Variants in LITAF observed in about 807,000 individuals in gnomAD.
The protein encoded by LITAF is lipopolysaccharide-induced tumor necrosis factor-alpha factor.
LITAF carries 9 observed loss-of-function variants against 14.5 expected under a neutral mutation model. The observed-to-expected ratio is 0.62, with a 90% CI of 0.37 to 1.08. The LOEUF is 1.08. Among genes scored for constraint, LITAF ranks in the 50% least tolerant of loss-of-function variants. LITAF has a pLI of 0.01. For missense variants in LITAF, 206 were observed against 213.4 expected, an observed-to-expected ratio of 0.97 and a Z score of 0.22; for synonymous variants, 98 against 88.2, an observed-to-expected ratio of 1.11 and a Z score of -0.62.
intron 3 of LITAF, among the ~76,000 whole-genome samples, chr16:11,620,098 G>A (rs1231681465): frequency 1.3e-5 from 2 of 150,852 alleles, no homozygotes; most frequent in East Asian, 3.9e-4. Context: ...AACCTGGGAG[G>A]CAGAGGCTGC....
chr16:11,600,813 G>A (rs1011492283), upstream of LITAF, among the ~76,000 whole-genome samples: 11 of 152,006 alleles, frequency 7.2e-5, no homozygotes, highest in South Asian at 2.1e-4. This position sits in a 1 kb window ranked among gnomAD's most constrained non-coding sequence, Gnocchi z 4.1. Flanking sequence ...GCTGAAAGCC[G>A]TTTTCATTAC....
chr16:11,563,644 T>A (rs1427232195), intron 1 of LITAF, among the ~76,000 whole-genome samples: 1 of 152,080 alleles, frequency 6.6e-6, no homozygotes, highest in Non-Finnish European at 1.5e-5. Flanking sequence ...ACTCATTCTG[T>A]CACTGGGCAC....
chr16:11,627,988 A>G, intron 3 of LITAF, among the ~76,000 whole-genome samples: 1 of 137,730 alleles, frequency 7.3e-6, no homozygotes, highest in African/African-American at 2.6e-5. Context: ...CTCCAGCCTG[A>G]GCGACAGAGT....
At chr16:11,579,489 TAAAATAAAATAAAATAAAATA>T in intron 1 of LITAF, among the ~76,000 whole-genome samples, 1 of 69,334 alleles carries the variant, frequency 1.4e-5, no homozygotes, top group East Asian at 3.1e-4. Context: ...TAAAATAAAA[TAAAATAAAATAAAATAAAATA>T]AAATAAAATA....
At chr16:11,604,644 TAAA>T (rs67633068) in intron 3 of LITAF, among the ~76,000 whole-genome samples, 8,380 of 128,538 alleles carry the variant, frequency 0.065, 651 homozygotes, top group African/African-American at 0.19. Flanking sequence ...CTGTCTCTCT[TAAA>T]AAAAAAAAAA....
At position 11,586,563 on chromosome 16, in the gene LITAF, G is replaced by A. The variant is rs1415806345; in HGVS notation, c.-6+323C>T. On this transcript the variant is annotated intron_variant, in intron 1 of 3. Transcript: ENST00000622633. This position sits in a 1 kb window ranked among gnomAD's most constrained non-coding sequence, Gnocchi z 6.5. ...AGGGGCCGTCCTCTCCGGGGAGGGGGACGCGGCGGGCCGCGAAGGGCGCTC... is the reference window on the plus strand; with the variant it reads ...AGGGGCCGTCCTCTCCGGGGAGGGGAACGCGGCGGGCCGCGAAGGGCGCTC... Among the ~76,000 whole-genome samples the A allele has an allele frequency of 1.3e-5, 2 of 152,186 alleles. No homozygotes were observed. Among genetic ancestry groups the A allele is most frequent in the African/African-American group, 4.8e-5 (2 of 41,564 alleles).
intron 3 of LITAF, among the ~76,000 whole-genome samples, chr16:11,628,660 G>C (rs1009418365): frequency 4.0e-5 from 6 of 150,824 alleles, no homozygotes; most frequent in Non-Finnish European, 8.9e-5. Flanking sequence ...GTGCCACCAC[G>C]GCTGGCTAAT....
chr16:11,582,947 C>T (rs1405779565), intron 1 of LITAF, among the ~76,000 whole-genome samples: 1 of 152,118 alleles, frequency 6.6e-6, no homozygotes, highest in Non-Finnish European at 1.5e-5. Context: ...TTTTTGTTGT[C>T]ATGGAATTTA....
intron 3 of LITAF, among the ~76,000 whole-genome samples, chr16:11,613,387 T>A (rs1225796599): frequency 1.3e-5 from 2 of 152,206 alleles, no homozygotes; most frequent in Non-Finnish European, 2.9e-5. Flanking sequence ...GAATAAGCAA[T>A]GCAGCCAGCT....
upstream of LITAF, among the ~76,000 whole-genome samples, chr16:11,588,486 CAAAG>C (rs1459766535): frequency 1.1e-5 from 1 of 89,996 alleles, no homozygotes; most frequent in Non-Finnish European, 2.3e-5. Context: ...AAGCAAGCAA[CAAAG>C]AAAGAAAGAG....
intron 1 of LITAF, among the ~76,000 whole-genome samples, chr16:11,583,067 G>A (rs1368260608): frequency 3.3e-5 from 5 of 152,218 alleles, no homozygotes; most frequent in Non-Finnish European, 7.3e-5. Context: ...AGCTCTTTGG[G>A]AAAGGAAGCG....
At chr16:11,595,463 C>T (rs1280966792) in intron 1 of LITAF, among the ~76,000 whole-genome samples, 1 of 152,190 alleles carries the variant, frequency 6.6e-6, no homozygotes, top group Non-Finnish European at 1.5e-5. Context: ...GACACGGTGG[C>T]TCAAGCCTGT....
At chr16:11,627,738 G>A (rs2065092647) in intron 3 of LITAF, among the ~76,000 whole-genome samples, 1 of 152,200 alleles carries the variant, frequency 6.6e-6, no homozygotes, top group Admixed American at 6.5e-5. Flanking sequence ...CAGCTACTCT[G>A]GAGGCTGACG....
intron 2 of LITAF, chr16:11,556,284 T>A (rs2064266363): frequency 3.6e-6 from 2 of 561,506 alleles, no homozygotes; most frequent in Admixed American, 6.4e-5. Flanking sequence ...GATTCGTATA[T>A]GATGACCATG....
intron 1 of LITAF, among the ~76,000 whole-genome samples, chr16:11,568,086 G>A (rs1205145162): frequency 1.3e-5 from 2 of 151,900 alleles, no homozygotes; most frequent in South Asian, 2.1e-4. Flanking sequence ...CCAGGAGTTC[G>A]AGACCAGCCT....
chr16:11,638,112 ATCTATATAGATAGATAGAT>A (rs1372986243), upstream of LITAF, among the ~76,000 whole-genome samples: 1 of 140,798 alleles, frequency 7.1e-6, no homozygotes, highest in Non-Finnish European at 1.5e-5. Context: ...ATATATATCT[ATCTATATAGATAGATAGAT>A]AGATAGATAG....
chr16:11,570,678 A>G (rs1285061234), intron 1 of LITAF, among the ~76,000 whole-genome samples: 1 of 152,150 alleles, frequency 6.6e-6, no homozygotes, highest in African/African-American at 2.4e-5. Context: ...TGTAATCACA[A>G]AGGTCCTTAT....
At chr16:11,621,210 A>G (rs139847937) in intron 3 of LITAF, among the ~76,000 whole-genome samples, 1 of 152,282 alleles carries the variant, frequency 6.6e-6, no homozygotes, top group East Asian at 1.9e-4. Flanking sequence ...GATTATAGGC[A>G]TGTGCCACCA....
intron 3 of LITAF, among the ~76,000 whole-genome samples, chr16:11,629,738 G>T (rs1278531453): frequency 6.6e-6 from 1 of 152,182 alleles, no homozygotes; most frequent in Non-Finnish European, 1.5e-5. Flanking sequence ...CAGGGCTTCG[G>T]AGGCAGAGGC....
Sources: gnomAD v4.1 joint callset for allele counts (sites outside exome capture counted in the v4.1 genomes callset) on GRCh38, gnomAD v4.1.1 for gene constraint, Gnocchi (gnomAD v3.1) non-coding constraint, MANE v1.5 for transcripts, NCBI Gene and HGNC (gene_info 2026-07-23, HGNC 2026-07-21) for gene names.